CGGBP1: variants seen among roughly 807,000 people sequenced by gnomAD.
The protein encoded by CGGBP1 is CGG triplet repeat-binding protein 1.
CGGBP1 carries 4 observed loss-of-function variants against 11.4 expected under a neutral mutation model. That is an observed-to-expected ratio of 0.35 (90% CI 0.17 to 0.80). The LOEUF is 0.80. Among genes scored for constraint, CGGBP1 ranks in the 30% least tolerant of loss-of-function variants. The probability of loss-of-function intolerance (pLI) is 0.52; values close to 1 mark genes in which losing one functional copy is unlikely to be tolerated. For synonymous variants in CGGBP1, 76 were observed against 74.1 expected, an observed-to-expected ratio of 1.03 and a Z score of -0.13; for missense variants, 135 against 202.1, an observed-to-expected ratio of 0.67 and a Z score of 2.01.
Position 88,116,834 on chromosome 3 carries a change from C to A in CGGBP1, c.-229+24136G>T, listed in dbSNP as rs138367562. 2.6e-3 allele frequency among the ~76,000 whole-genome samples: 399 copies of A among 152,128 alleles called. 1 individual carries two copies. Among genetic ancestry groups the A allele is most frequent in the African/African-American group, 9.3e-3 (388 of 41,522 alleles). On this transcript the variant is annotated intron_variant, in intron 2 of 3. Transcript: ENST00000462901. ...TTAAACTGTAGTACATGTAAACTTT[C>A]TTCTTCTCTCTTTGTTTGGGCATGA... is the stretch of plus-strand genomic sequence containing the variant.
intron 1 of CGGBP1, among the ~76,000 whole-genome samples, chr3:88,141,295 A>G (rs1320154596): frequency 2.0e-5 from 3 of 151,834 alleles, no homozygotes; most frequent in African/African-American, 7.2e-5. Context: ...GAACTTGTGC[A>G]AGGCAGAACC....
intron 2 of CGGBP1, among the ~76,000 whole-genome samples, chr3:88,123,206 GTTCT>G (rs1705886271): frequency 6.6e-6 from 1 of 151,932 alleles, no homozygotes; most frequent in Admixed American, 6.6e-5. Flanking sequence ...TAAGCTTATT[GTTCT>G]TTCTTCCTTT....
chr3:88,125,879 C>T (rs937470391), intron 2 of CGGBP1, among the ~76,000 whole-genome samples: 3 of 152,102 alleles, frequency 2.0e-5, no homozygotes, highest in African/African-American at 7.2e-5. Context: ...ATGATGTGTC[C>T]TTTAGGTTAC....
chr3:88,107,568 A>G (rs931635486), intron 2 of CGGBP1, among the ~76,000 whole-genome samples: 6 of 152,142 alleles, frequency 3.9e-5, no homozygotes, highest in Non-Finnish European at 8.8e-5. Flanking sequence ...TCGTCCAGTT[A>G]ATGTCTTTGC....
chr3:88,088,760 G>GGA (rs1371352726), intron 2 of CGGBP1, among the ~76,000 whole-genome samples: 34,118 of 149,026 alleles, frequency 0.23, 4,518 homozygotes, highest in South Asian at 0.34. Flanking sequence ...ATGTATGTAT[G>GGA]TATGGATGGA....
At chr3:88,056,176 A>G in intron 3 of CGGBP1, 177 bp from the exon 4 acceptor site, 1 of 511,378 alleles carries the variant, frequency 2.0e-6, no homozygotes, top group South Asian at 3.4e-5. Flanking sequence ...AGGCAAAACT[A>G]GAACAAGTTA....
intron 2 of CGGBP1, among the ~76,000 whole-genome samples, chr3:88,069,981 C>T (rs1707415234): frequency 6.6e-6 from 1 of 152,112 alleles, no homozygotes; most frequent in Admixed American, 6.5e-5. Flanking sequence ...TGGCCTTTAT[C>T]TGTCGTACTG....
At chr3:88,084,881 G>C (rs535643988) in intron 2 of CGGBP1, among the ~76,000 whole-genome samples, 2 of 152,252 alleles carry the variant, frequency 1.3e-5, no homozygotes, top group Non-Finnish European at 2.9e-5. Context: ...TCACAGTTGA[G>C]GAACCTCAAG....
Position 88,099,860 on chromosome 3 carries a change from C to T in CGGBP1, c.-229+41110G>A, listed in dbSNP as rs144906048. Among the ~76,000 whole-genome samples the T allele has an allele frequency of 9.2e-3, 1,407 of 152,230 alleles. 21 individuals carry two copies. Among genetic ancestry groups the T allele is most frequent in the Non-Finnish European group, 0.015 (1,033 of 68,012 alleles). Reference sequence around the variant, plus strand: ...AAAGACTTAAATGTTAGACCTAAAACCATAAAAACCCTAGAAGAAAACGTA... The same window carrying T: ...AAAGACTTAAATGTTAGACCTAAAATCATAAAAACCCTAGAAGAAAACGTA... On this transcript the variant is annotated intron_variant, in intron 2 of 3. Transcript: ENST00000462901.
upstream of CGGBP1, among the ~76,000 whole-genome samples, chr3:88,061,296 G>A (rs1033404364): frequency 6.6e-6 from 1 of 152,062 alleles, no homozygotes; most frequent in African/African-American, 2.4e-5. Flanking sequence ...GACAAATTTA[G>A]CCTGCAAAAC....
intron 2 of CGGBP1, among the ~76,000 whole-genome samples, chr3:88,128,140 A>AATACC (rs1706228785): frequency 1.3e-5 from 2 of 152,160 alleles, no homozygotes; most frequent in South Asian, 4.1e-4. Flanking sequence ...CTAGTATCAT[A>AATACC]ATACCCATCA....
At chr3:88,059,231 G>A (rs1168239409), upstream of CGGBP1, 8 of 1,503,390 alleles carry the variant, frequency 5.3e-6, no homozygotes, top group Non-Finnish European at 7.1e-6. Context: ...GAAGGGGGAG[G>A]GAACTAGAGA....
intron 2 of CGGBP1, among the ~76,000 whole-genome samples, chr3:88,109,075 G>C (rs150586785): frequency 6.6e-6 from 1 of 151,568 alleles, no homozygotes; most frequent in Non-Finnish European, 1.5e-5. Flanking sequence ...GGTGCTATCC[G>C]TGGTTTCAAG....
At chr3:88,139,334 AGGT>A in intron 2 of CGGBP1, 1 of 1,606,112 alleles carries the variant, frequency 6.2e-7, no homozygotes, top group Non-Finnish European at 8.5e-7. Flanking sequence ...AGGAATTTTT[AGGT>A]GGTCACATTG....
At chr3:88,112,310 GTT>G (rs1049157102) in intron 2 of CGGBP1, among the ~76,000 whole-genome samples, 2 of 151,576 alleles carry the variant, frequency 1.3e-5, no homozygotes, top group African/African-American at 4.8e-5. Context: ...ACTTTAGGTA[GTT>G]ACACTTGAGG....
At chr3:88,059,418 G>C, upstream of CGGBP1, 1 of 1,528,216 alleles carries the variant, frequency 6.5e-7, no homozygotes, top group South Asian at 1.2e-5. Context: ...TTAGAGCTGC[G>C]GGCGACGGCA....
intron 2 of CGGBP1, chr3:88,138,644 G>T: frequency 1.0e-6 from 1 of 996,672 alleles, no homozygotes; most frequent in East Asian, 3.3e-5. Context: ...TTTAAAGATA[G>T]ACTAGTATAA....
At chr3:88,073,469 A>T (rs1204400597) in intron 2 of CGGBP1, among the ~76,000 whole-genome samples, 1 of 152,212 alleles carries the variant, frequency 6.6e-6, no homozygotes, top group Admixed American at 6.5e-5. Flanking sequence ...AAGTCTACAT[A>T]AAAAAAGTAA....
intron 2 of CGGBP1, among the ~76,000 whole-genome samples, chr3:88,082,413 C>T (rs1419007572): frequency 6.6e-6 from 1 of 152,234 alleles, no homozygotes; most frequent in East Asian, 1.9e-4. Flanking sequence ...GCGTGAGCCA[C>T]CACACCTGGC....
Sources: allele counts gnomAD v4.1 joint callset (sites outside exome capture counted in the v4.1 genomes callset), GRCh38; gene constraint gnomAD v4.1.1; transcripts MANE v1.5; gene names NCBI Gene and HGNC (gene_info 2026-07-23, HGNC 2026-07-21).